HOOK3: variants seen among roughly 807,000 people sequenced by gnomAD.
HOOK3 encodes the protein hook microtubule tethering protein 3.
In HOOK3, 24 loss-of-function variants were observed where a neutral mutation model predicts 116.3. The observed-to-expected ratio is 0.21, with a 90% CI of 0.15 to 0.29. The LOEUF (loss-of-function observed/expected upper bound fraction) is 0.29. Ranked by LOEUF, HOOK3 falls within the 10% of genes least tolerant of loss-of-function variation. The pLI is 1.00. For synonymous variants in HOOK3, 275 were observed against 283.0 expected, an observed-to-expected ratio of 0.97 and a Z score of 0.28; for missense variants, 632 against 830.2, an observed-to-expected ratio of 0.76 and a Z score of 2.93.
At chr8:42,900,648 A>G (rs994463154) in intron 1 of HOOK3, among the ~76,000 whole-genome samples, 1 of 152,234 alleles carries the variant, frequency 6.6e-6, no homozygotes, top group Non-Finnish European at 1.5e-5. Flanking sequence ...CAAAAGTTAA[A>G]GTACTTAAAA....
intron 5 of HOOK3, chr8:42,949,611 T>C (rs1808299032): frequency 6.6e-6 from 1 of 152,188 alleles, no homozygotes; most frequent in Non-Finnish European, 1.5e-5. Context: ...ATTTTTTTTG[T>C]TTGCTGTAGA....
At chr8:42,996,854 T>C (rs1362353250) in intron 15 of HOOK3, among the ~76,000 whole-genome samples, 1 of 151,934 alleles carries the variant, frequency 6.6e-6, no homozygotes, top group Non-Finnish European at 1.5e-5. Context: ...GTTTACACTT[T>C]TTCCTCCCCA....
intron 1 of HOOK3, among the ~76,000 whole-genome samples, chr8:42,905,334 G>T (rs1415228015): frequency 2.7e-5 from 4 of 145,978 alleles, no homozygotes; most frequent in Non-Finnish European, 4.5e-5. Context: ...TTGGGGGGGG[G>T]GGTGCCGTGG....
chr8:42,996,970 G>A (rs1405725639), intron 15 of HOOK3, among the ~76,000 whole-genome samples: 1 of 131,610 alleles, frequency 7.6e-6, no homozygotes, highest in East Asian at 2.4e-4. Flanking sequence ...GCAGTGGCAC[G>A]AACACAGCTC....
chr8:42,976,050 G>C (rs1808821896), intron 13 of HOOK3, among the ~76,000 whole-genome samples: 1 of 151,798 alleles, frequency 6.6e-6, no homozygotes, highest in Non-Finnish European at 1.5e-5. Flanking sequence ...ATGTGTGTGT[G>C]TGTGTGTGTG....
intron 6 of HOOK3, among the ~76,000 whole-genome samples, chr8:42,955,161 C>T (rs1808410804): frequency 1.3e-5 from 2 of 152,176 alleles, no homozygotes; most frequent in South Asian, 4.1e-4. Context: ...TACTTTTATG[C>T]AGGTTTGTAT....
rs1694839314 is a variant in HOOK3 at position 43,028,630 on chromosome 8, T to G, written c.*10132T>G. 1 of 191,122 alleles carries G rather than the reference T, an allele frequency of 5.2e-6. No homozygotes were observed. Among genetic ancestry groups the G allele is most frequent in the African/African-American group, 2.3e-5 (1 of 42,950 alleles). The allele number at this position is 191,122 out of a possible 1,614,324, so 11.8% of individuals were successfully genotyped here. A position where few individuals can be genotyped will look rare whatever the true frequency, so the allele number is the denominator to read the frequency against. On this transcript the variant is annotated 3_prime_UTR_variant, in exon 22 of 22. Coordinates refer to ENST00000307602, the MANE Select transcript of HOOK3 (RefSeq NM_032410.4). ...ACTTGTATTATGAATCAAATTAAGT[T>G]TTATGTATAAGGCATTTACTATTCC...
At chr8:42,937,980 A>G (rs1486087954) in intron 4 of HOOK3, among the ~76,000 whole-genome samples, 1 of 152,134 alleles carries the variant, frequency 6.6e-6, no homozygotes, top group African/African-American at 2.4e-5. Context: ...TCTAATATTG[A>G]CAGTGGGGTG....
At chr8:43,004,293 G>C (rs1408353013) in intron 17 of HOOK3, among the ~76,000 whole-genome samples, 1 of 144,938 alleles carries the variant, frequency 6.9e-6, no homozygotes, top group Non-Finnish European at 1.5e-5. Context: ...CTTGAACCCA[G>C]AAACCAGAGG....
At position 42,974,104 on chromosome 8, in the gene HOOK3, C is replaced by T. The variant is rs764781583; in HGVS notation, c.1234-3C>T. Reference sequence around the variant, plus strand: ...AACCCTCCATGTTTTTGTGTCTCTCCAGAGGCTGAGAACAGAAAGGGATTC... The same window carrying T: ...AACCCTCCATGTTTTTGTGTCTCTCTAGAGGCTGAGAACAGAAAGGGATTC... On this transcript the variant is annotated splice_polypyrimidine_tract_variant and splice_region_variant and intron_variant, in intron 12 of 21. Coordinates refer to ENST00000307602, the MANE Select transcript of HOOK3 (RefSeq NM_032410.4). The T allele has an allele frequency of 3.1e-6, 5 of 1,611,732 alleles. No individual in the cohort carries two copies. The South Asian group carries it at 3.3e-5, about 11-fold the overall frequency.
At chr8:42,967,433 T>C (rs1313436346) in intron 10 of HOOK3, among the ~76,000 whole-genome samples, 1 of 152,166 alleles carries the variant, frequency 6.6e-6, no homozygotes, top group African/African-American at 2.4e-5. Context: ...AGACCTGTTA[T>C]TCTTCCTCCT....
intron 9 of HOOK3, among the ~76,000 whole-genome samples, chr8:42,965,486 G>A (rs951441821): frequency 6.6e-6 from 1 of 152,138 alleles, no homozygotes; most frequent in Non-Finnish European, 1.5e-5. Flanking sequence ...TGACCTTTGG[G>A]TGGTGAAAGG....
chr8:42,999,586 T>C (rs1328897562), intron 16 of HOOK3, among the ~76,000 whole-genome samples: 2 of 152,220 alleles, frequency 1.3e-5, no homozygotes, highest in African/African-American at 2.4e-5. Context: ...CCAAAGGAAG[T>C]GGTCCCCTCT....
Position 42,923,749 on chromosome 8 carries a change from G to A in HOOK3, c.144-1808G>A, listed in dbSNP as rs187861324. 1.8e-3 allele frequency among the ~76,000 whole-genome samples: 269 copies of A among 152,286 alleles called. 13 individuals are homozygous for A. The highest frequency in any genetic ancestry group is 0.017 in the Admixed American group (254 of 15,286). On this transcript the variant is annotated intron_variant, in intron 2 of 21. Transcript: ENST00000307602. ...CTGAGACTAGATTGTGGTGATAGTT[G>A]TACCACTCTGGCTATACTAAAATGC...
intron 1 of HOOK3, among the ~76,000 whole-genome samples, chr8:42,899,847 C>A (rs1807148348): frequency 6.6e-6 from 1 of 152,154 alleles, no homozygotes; most frequent in African/African-American, 2.4e-5. Flanking sequence ...TCTAGAGCCT[C>A]CCTGTTCAAG....
chr8:43,008,013 A>T (rs551695808), intron 18 of HOOK3, 84 bp downstream of exon 18: 14 of 588,542 alleles, frequency 2.4e-5, no homozygotes, highest in Admixed American at 2.0e-4. Context: ...ATTTTTAATT[A>T]TTTATTTTTT....
rs2130506442 is a variant in HOOK3 at position 43,026,030 on chromosome 8, A to G, written c.*7532A>G. On this transcript the variant is annotated 3_prime_UTR_variant, in exon 22 of 22. Transcript: ENST00000307602. ...AGGTATCATGAGAAAAGCAACTCCT[A>G]CTTGAGAGAAAGAAGACTACCAAAG... 1 of 210,046 alleles carries G rather than the reference A, an allele frequency of 4.8e-6. No homozygotes were observed. Among genetic ancestry groups the G allele is most frequent in the East Asian group, 7.2e-5 (1 of 13,920 alleles). 13.0% of individuals were successfully genotyped at this position (210,046 alleles called of 1,614,324 possible). A position where few individuals can be genotyped will look rare whatever the true frequency, so the allele number is the denominator to read the frequency against.
intron 13 of HOOK3, among the ~76,000 whole-genome samples, chr8:42,977,161 C>T (rs73627252): frequency 0.047 from 7,204 of 152,184 alleles, 342 homozygotes; most frequent in African/African-American, 0.12. Flanking sequence ...CCCTTTATTA[C>T]CAGTGTGAGA....
intron 5 of HOOK3, among the ~76,000 whole-genome samples, chr8:42,945,705 G>T (rs946862326): frequency 7.9e-5 from 12 of 152,142 alleles, no homozygotes; most frequent in African/African-American, 2.9e-4. Context: ...TCATTAGGTG[G>T]TGTTCAATGA....
Sources: allele counts gnomAD v4.1 joint callset (sites outside exome capture counted in the v4.1 genomes callset), GRCh38; gene constraint gnomAD v4.1.1; transcripts MANE v1.5; gene names NCBI Gene and HGNC (gene_info 2026-07-23, HGNC 2026-07-21).